OTOGL: variants seen among roughly 807,000 people sequenced by gnomAD.
OTOGL encodes the protein otogelin-like protein.
A neutral mutation model predicts 318.5 loss-of-function variants in OTOGL; 285 were observed. The ratio of observed to expected loss-of-function variants is 0.89; its 90% CI spans 0.81 to 0.99. The LOEUF (loss-of-function observed/expected upper bound fraction) is 0.99, where lower values mean the gene tolerates loss of function less well. Among genes scored for constraint, OTOGL ranks in the 50% least tolerant of loss-of-function variants. The pLI is 0.00. For synonymous variants in OTOGL, 987 were observed against 936.5 expected, an observed-to-expected ratio of 1.05 and a Z score of -0.99; for missense variants, 2,899 against 2,845.6, an observed-to-expected ratio of 1.02 and a Z score of -0.43.
intron 19 of OTOGL, among the ~76,000 whole-genome samples, chr12:80,262,364 C>T (rs982321137): frequency 6.6e-6 from 1 of 151,176 alleles, no homozygotes; most frequent in Non-Finnish European, 1.5e-5. Flanking sequence ...TTTAGAAATC[C>T]CTTGTTTGCA....
At chr12:80,346,789 G>A (rs150607987) in intron 44 of OTOGL, among the ~76,000 whole-genome samples, 1 of 152,262 alleles carries the variant, frequency 6.6e-6, no homozygotes, top group East Asian at 1.9e-4. Context: ...GATGGCATTT[G>A]GGAGACATTT....
intron 29 of OTOGL, among the ~76,000 whole-genome samples, chr12:80,309,822 G>A (rs1238082096): frequency 6.6e-6 from 1 of 152,172 alleles, no homozygotes; most frequent in Non-Finnish European, 1.5e-5. Flanking sequence ...TATTTAGGTG[G>A]AAATGTTAGT....
intron 27 of OTOGL, among the ~76,000 whole-genome samples, chr12:80,300,190 T>G (rs1257478878): frequency 2.6e-5 from 4 of 151,378 alleles, no homozygotes; most frequent in Non-Finnish European, 4.4e-5. Flanking sequence ...ATGTTCTGTC[T>G]CGATGTGTCG....
intron 46 of OTOGL, among the ~76,000 whole-genome samples, chr12:80,355,154 A>G (rs1392316679): frequency 2.6e-5 from 4 of 151,938 alleles, no homozygotes; most frequent in Non-Finnish European, 2.9e-5. Context: ...AGAAGAAGAC[A>G]TACAGATTTA....
At chr12:80,363,681 G>T (rs948320515) in intron 52 of OTOGL, among the ~76,000 whole-genome samples, 1 of 152,062 alleles carries the variant, frequency 6.6e-6, no homozygotes, top group African/African-American at 2.4e-5. Context: ...AGAGGTCCTG[G>T]TATTTGACTT....
chr12:80,139,500 C>T (rs915358175), intron 1 of OTOGL, among the ~76,000 whole-genome samples: 2 of 152,100 alleles, frequency 1.3e-5, no homozygotes, highest in African/African-American at 4.8e-5. Context: ...CCACTTCCCT[C>T]CTTAAATATT....
chr12:80,298,365 T>A (rs1885548475), intron 27 of OTOGL, among the ~76,000 whole-genome samples: 1 of 152,192 alleles, frequency 6.6e-6, no homozygotes, highest in South Asian at 2.1e-4. Flanking sequence ...TTCCATTACC[T>A]GCTTGCTCTG....
chr12:80,185,593 T>A (rs1204166451), intron 1 of OTOGL, among the ~76,000 whole-genome samples: 1 of 152,128 alleles, frequency 6.6e-6, no homozygotes, highest in Non-Finnish European at 1.5e-5. Context: ...CCGGCCAAAT[T>A]AGTGTTAATG....
chr12:80,298,981 C>T (rs570954684), intron 27 of OTOGL, among the ~76,000 whole-genome samples: 6 of 152,142 alleles, frequency 3.9e-5, no homozygotes, highest in Non-Finnish European at 2.9e-5. Context: ...CAGTGTTTCT[C>T]TCAGTTTGGT....
intron 42 of OTOGL, 80 bp from the exon 43 acceptor site, chr12:80,338,995 G>T (rs1008378433): frequency 8.6e-7 from 1 of 1,167,000 alleles, no homozygotes; most frequent in South Asian, 1.6e-5. Context: ...CATTAAATCA[G>T]AATAAAGGAA....
chr12:80,176,143 T>C (rs1238008360), intron 1 of OTOGL, among the ~76,000 whole-genome samples: 5 of 152,178 alleles, frequency 3.3e-5, no homozygotes, highest in African/African-American at 7.2e-5. Context: ...TTCAAAGAGT[T>C]CTAGTCGCAG....
intron 1 of OTOGL, among the ~76,000 whole-genome samples, chr12:80,180,483 G>T (rs1326897514): frequency 1.3e-5 from 2 of 152,218 alleles, no homozygotes; most frequent in African/African-American, 2.4e-5. Context: ...AGAGGAGTTT[G>T]CAAAGGCCTC....
intron 57 of OTOGL, among the ~76,000 whole-genome samples, chr12:80,374,061 G>T (rs1486883916): frequency 1.3e-5 from 2 of 152,140 alleles, no homozygotes; most frequent in Non-Finnish European, 2.9e-5. Flanking sequence ...ATATTAGTTT[G>T]CAGGGCTGCT....
At chr12:80,340,734 T>C (rs2137936167) in intron 43 of OTOGL, among the ~76,000 whole-genome samples, 1 of 152,250 alleles carries the variant, frequency 6.6e-6, no homozygotes, top group African/African-American at 2.4e-5. Flanking sequence ...CTGAAAAGCT[T>C]CTAGTGAGTA....
At chr12:80,275,648 G>C (rs1425695916) in intron 24 of OTOGL, among the ~76,000 whole-genome samples, 1 of 151,816 alleles carries the variant, frequency 6.6e-6, no homozygotes, top group African/African-American at 2.4e-5. Flanking sequence ...GAACACTACA[G>C]AGAAATCTTT....
intron 29 of OTOGL, among the ~76,000 whole-genome samples, chr12:80,307,807 A>C (rs1472953118): frequency 1.7e-5 from 2 of 119,522 alleles, no homozygotes; most frequent in Admixed American, 8.2e-5. Context: ...ACTTCCCAGT[A>C]GGGGCGGCCG....
At chr12:80,336,371 A>G (rs778644741) in intron 39 of OTOGL, 42 bp from the exon 40 acceptor site, 1 of 1,519,364 alleles carries the variant, frequency 6.6e-7, no homozygotes, top group Non-Finnish European at 8.8e-7. Flanking sequence ...CTGAAAATGC[A>G]GATAGTTAAT....
chr12:80,126,991 A>G (rs553291392), intron 1 of OTOGL, among the ~76,000 whole-genome samples: 6 of 152,216 alleles, frequency 3.9e-5, no homozygotes, highest in African/African-American at 9.6e-5. Context: ...TTGACTCTTT[A>G]TCCAATTTGC....
rs1251476926 is a variant in OTOGL, at chr12:80,255,121, T to A, written c.1523T>A (p.Ile508Asn). 6 of 1,528,524 alleles carry A rather than the reference T, an allele frequency of 3.9e-6. No homozygotes were observed. The Admixed American group carries it at 1.1e-4, about 28-fold the overall frequency. The allele number at this position is 1,528,524 out of a possible 1,614,324, so 94.7% of individuals were successfully genotyped here. A position where few individuals can be genotyped will look rare whatever the true frequency, so the allele number is the denominator to read the frequency against. ...HYSFIGMCQYILVKGTGKDKF... is the reference protein window; with the variant it reads ...HYSFIGMCQYNLVKGTGKDKF... ...TCTTTTATTGGCATGTGCCAATACA[T>A]CCTCGTGAAAGGAACTGGAAAAGAT... is the stretch of plus-strand genomic sequence containing the variant. Residue 508 changes from isoleucine to asparagine, a missense_variant, in exon 16 of 59, where the codon ATC becomes AAC. By Grantham distance (149) the Ile-to-Asn change is moderately radical. Transcript: ENST00000547103.
Sources: gnomAD v4.1 joint callset for allele counts (sites outside exome capture counted in the v4.1 genomes callset) on GRCh38, gnomAD v4.1.1 for gene constraint, MANE v1.5 for transcripts, NCBI Gene and HGNC (gene_info 2026-07-23, HGNC 2026-07-21) for gene names.